Variants in PTPRB observed in about 807,000 individuals in gnomAD.
PTPRB encodes the protein protein tyrosine phosphatase receptor type B, also known as receptor-type tyrosine-protein phosphatase beta.
A neutral mutation model predicts 238.1 loss-of-function variants in PTPRB; 97 were observed. That is an observed-to-expected ratio of 0.41 (90% CI 0.35 to 0.48). The LOEUF is 0.48. PTPRB is among the 20% of genes least tolerant of loss of function. PTPRB has a pLI of 0.30. For missense variants in PTPRB, 2,292 were observed against 2,681.9 expected (o/e 0.85, Z 3.21); for synonymous variants, 970 against 995.4 (o/e 0.97, Z 0.48).
chr12:70,566,857 A>G (rs1879370432), intron 14 of PTPRB, among the ~76,000 whole-genome samples, 153 bp from the exon 15 acceptor site: 1 of 152,174 alleles, frequency 6.6e-6, no homozygotes, highest in African/African-American at 2.4e-5. Flanking sequence ...CCTTATGGAG[A>G]AAAGAGGAGA....
chr12:70,605,470 G>C (rs1008900211), intron 4 of PTPRB, among the ~76,000 whole-genome samples: 1 of 152,110 alleles, frequency 6.6e-6, no homozygotes, highest in Admixed American at 6.5e-5. Context: ...TGTATTAGAT[G>C]CCATTTAAGT....
rs993009536 is a variant in PTPRB, at chr12:70,592,350, A to C, written c.1712T>G (p.Leu571Arg). The change falls in exon 7 of 34, where the codon CTT (leucine) becomes CGT (arginine). Residue 571 changes from leucine to arginine, a missense_variant. By Grantham distance (102) the Leu-to-Arg change is moderately radical (BLOSUM62 -2). Around this residue, in one of 4 missense-constraint regions of PTPRB, gnomAD observed 1,205 missense variants for 1,287.8 expected, o/e 0.94. Coordinates refer to ENST00000334414, the MANE Select transcript of PTPRB (RefSeq NM_001109754.4). ...THFKELVPGR[L>R]YQVTVSCVSG... ...GACACAGCTGACAGTAACTTGATAA[A>C]GTCGACCGGGGACTAACTCTTTAAA... is the stretch of plus-strand genomic sequence containing the variant. 9 of 1,614,036 alleles carry C rather than the reference A, an allele frequency of 5.6e-6. No individual in the cohort carries two copies. Among genetic ancestry groups the C allele is most frequent in the Non-Finnish European group, 7.6e-6 (9 of 1,179,894 alleles).
chr12:70,576,774 G>GATTAT, intron 10 of PTPRB, 129 bp from the exon 11 acceptor site: 1 of 605,850 alleles, frequency 1.7e-6, no homozygotes, highest in African/African-American at 1.9e-5. Flanking sequence ...GATCTAATCT[G>GATTAT]ATTATATAAG....
intron 4 of PTPRB, among the ~76,000 whole-genome samples, chr12:70,605,068 CAA>C (rs1309290148): frequency 6.6e-6 from 1 of 152,084 alleles, no homozygotes; most frequent in African/African-American, 2.4e-5. Flanking sequence ...TTATTAAAGA[CAA>C]GTTAGCCATA....
chr12:70,565,241 G>T (rs964251235), intron 15 of PTPRB, among the ~76,000 whole-genome samples: 1 of 151,972 alleles, frequency 6.6e-6, no homozygotes, highest in East Asian at 1.9e-4. Flanking sequence ...TTACTCTCTG[G>T]CTAAAAGTTT....
rs1192145418 is a variant in PTPRB at position 70,635,711 on chromosome 12, C to T, written c.411G>A (p.Lys137=). 1 of 1,613,970 alleles carries T rather than the reference C, an allele frequency of 6.2e-7. No homozygotes were observed. The highest frequency in any genetic ancestry group is 1.3e-5 in the African/African-American group (1 of 75,060). The change falls in exon 2 of 34, where the codon AAG becomes AAA. Residue 137 remains lysine (K), a synonymous_variant. Coordinates refer to ENST00000334414, the MANE Select transcript of PTPRB (RefSeq NM_001109754.4). The part of the protein sequence containing the change: ...LHSWMKIDVN[K]EGKLVNESLC... ...GGCTTTCATTGACCAGTTTTCCCTC[C>T]TTGTTGACATCTATTTTCATCCAGC...
chr12:70,584,249 T>G (rs985707573), intron 9 of PTPRB, among the ~76,000 whole-genome samples: 1 of 152,062 alleles, frequency 6.6e-6, no homozygotes, highest in African/African-American at 2.4e-5. Context: ...AGAAAACACA[T>G]GGAAAATATG....
intron 15 of PTPRB, among the ~76,000 whole-genome samples, chr12:70,564,716 C>T (rs1363225316): frequency 1.3e-5 from 2 of 151,298 alleles, no homozygotes; most frequent in African/African-American, 4.9e-5. Context: ...GCCTGAAGTC[C>T]CAACTACTTG....
intron 32 of PTPRB, chr12:70,525,419 A>G (rs2136201397): frequency 6.6e-6 from 1 of 152,296 alleles, no homozygotes; most frequent in Middle Eastern, 3.4e-3. Context: ...TAGTTCTTTG[A>G]GTGCAAGGTC....
intron 22 of PTPRB, among the ~76,000 whole-genome samples, chr12:70,543,396 T>C (rs916026081): frequency 2.6e-5 from 4 of 152,360 alleles, no homozygotes; most frequent in African/African-American, 9.6e-5. Context: ...ACTGTCTTCC[T>C]GTACTGGACT....
chr12:70,625,903 T>C (rs1885152982), intron 2 of PTPRB, among the ~76,000 whole-genome samples: 1 of 152,190 alleles, frequency 6.6e-6, no homozygotes, highest in Non-Finnish European at 1.5e-5. Context: ...AAGCTCTTTT[T>C]ATAGGGTACT....
Position 70,563,065 on chromosome 12 carries a change from G to C in PTPRB, c.3947C>G (p.Thr1316Ser). The C allele has an allele frequency of 6.2e-7, 1 of 1,613,728 alleles. No individual in the cohort carries two copies. The highest frequency in any genetic ancestry group is 1.1e-5 in the South Asian group (1 of 91,048). Residue 1316 changes from threonine (T) to serine (S), a missense_variant, in exon 16 of 34, where the codon ACC becomes AGC. Around this residue, in one of 4 missense-constraint regions of PTPRB, gnomAD observed 683 missense variants for 862.0 expected, o/e 0.79. Coordinates refer to ENST00000334414, the MANE Select transcript of PTPRB (RefSeq NM_001109754.4). Reference sequence around the variant, plus strand: ...GGTCCAGCGGAAGGACAGGTGCCTGGTGGAGTTCTCTGTGATCCTCAGGTC... The same window carrying C: ...GGTCCAGCGGAAGGACAGGTGCCTGCTGGAGTTCTCTGTGATCCTCAGGTC... ...VTDLRITENSTRHLSFRWTAS... is the reference protein window; with the variant it reads ...VTDLRITENSSRHLSFRWTAS...
chr12:70,574,168 C>A (rs958944954), intron 11 of PTPRB, among the ~76,000 whole-genome samples: 5 of 152,134 alleles, frequency 3.3e-5, no homozygotes, highest in African/African-American at 1.2e-4. Flanking sequence ...TCTGATCTGA[C>A]CACATGCCAA....
chr12:70,566,626 G>A lies in PTPRB; in HGVS notation c.3713C>T (p.Ala1238Val), dbSNP rs761904388. Residue 1238 changes from alanine to valine, a missense_variant, in exon 15 of 34, where the codon GCT becomes GTT. Coordinates refer to ENST00000334414, the MANE Select transcript of PTPRB (RefSeq NM_001109754.4). ...YSLIVSWQKA[A>V]GVAERYDILL... ...GATATCATATCTTTCTGCCACACCAGCAGCTTTTTGCCAACTTACTATTAA... is the reference window on the plus strand; with the variant it reads ...GATATCATATCTTTCTGCCACACCAACAGCTTTTTGCCAACTTACTATTAA... 6.2e-7 allele frequency: 1 copy of A among 1,614,004 alleles called. No homozygotes were observed. Among genetic ancestry groups the A allele is most frequent in the South Asian group, 1.1e-5 (1 of 91,080 alleles).
chr12:70,524,586 C>G lies in PTPRB; in HGVS notation c.6510G>C (p.Gln2170His), dbSNP rs1203014017. Residue 2170 changes from glutamine (Q) to histidine (H), a missense_variant, in exon 33 of 34, where the codon CAG becomes CAC. Gln to His is a conservative substitution (Grantham distance 24, BLOSUM62 0). Transcript: ENST00000334414. Reference sequence around the variant, plus strand: ...TTACACACTGATGTAGGTAGACATACTGACACTGTGGAAAAGCAGAAACAT... The same window carrying G: ...TTACACACTGATGTAGGTAGACATAGTGACACTGTGGAAAAGCAGAAACAT... ...HRVHMVQTEC[Q>H]YVYLHQCVRD... The G allele has an allele frequency of 6.2e-7, 1 of 1,609,180 alleles. No individual in the cohort carries two copies. The highest frequency in any genetic ancestry group is 8.5e-7 in the Non-Finnish European group (1 of 1,177,686).
intron 32 of PTPRB, among the ~76,000 whole-genome samples, chr12:70,531,009 A>G (rs907631373): frequency 4.6e-5 from 7 of 152,262 alleles, no homozygotes; most frequent in South Asian, 2.1e-4. Flanking sequence ...GCAGGAGGCA[A>G]TGATGCCATT....
chr12:70,610,956 C>G (rs1232926836), intron 3 of PTPRB, among the ~76,000 whole-genome samples: 1 of 152,146 alleles, frequency 6.6e-6, no homozygotes. Context: ...CTTCAGTACC[C>G]AAACGGTTAT....
chr12:70,619,181 TGTG>T (rs1884809945), intron 3 of PTPRB, among the ~76,000 whole-genome samples: 2 of 151,752 alleles, frequency 1.3e-5, no homozygotes, highest in African/African-American at 4.8e-5. Flanking sequence ...TGTGTGTGTG[TGTG>T]TGTGTGTGTA....
At position 70,576,193 on chromosome 12, in the gene PTPRB, TA is replaced by T. The variant is rs574789565; in HGVS notation, c.2842+188del. On this transcript the variant is annotated intron_variant, in intron 11 of 33. Coordinates refer to ENST00000334414, the MANE Select transcript of PTPRB (RefSeq NM_001109754.4). ...CACTTTTTTCACTATTTGAATATAATATAAATTCTAGTCACACAGGGTCTGC... is the reference window on the plus strand; with the variant it reads ...CACTTTTTTCACTATTTGAATATAATTAAATTCTAGTCACACAGGGTCTGC... Among the ~76,000 whole-genome samples, 16 of 152,320 alleles carry T rather than the reference TA, an allele frequency of 1.1e-4. No individual in the cohort carries two copies. The South Asian group carries it at 2.5e-3, about 24-fold the overall frequency.
Sources: allele counts gnomAD v4.1 joint callset (sites outside exome capture counted in the v4.1 genomes callset), GRCh38; gene constraint gnomAD v4.1.1; regional missense constraint gnomAD v4.1.1; transcripts MANE v1.5; gene names NCBI Gene and HGNC (gene_info 2026-07-23, HGNC 2026-07-21).